The following ARHGAP24 variants were observed in gnomAD, a reference collection of about 807,000 sequenced individuals.
ARHGAP24 encodes rho GTPase-activating protein 24.
In ARHGAP24, 50 loss-of-function variants were observed where a neutral mutation model predicts 76.4. That is an observed-to-expected ratio of 0.65 (90% CI 0.52 to 0.83). ARHGAP24 has a LOEUF of 0.83. Among genes scored for constraint, ARHGAP24 ranks in the 40% least tolerant of loss-of-function variants. The pLI is 0.00. For synonymous variants in ARHGAP24, 345 were observed against 323.3 expected, an observed-to-expected ratio of 1.07 and a Z score of -0.72; for missense variants, 930 against 914.2, an observed-to-expected ratio of 1.02 and a Z score of -0.22.
chr4:85,925,486 C>T (rs1735970393), intron 4 of ARHGAP24, among the ~76,000 whole-genome samples: 1 of 151,878 alleles, frequency 6.6e-6, no homozygotes, highest in Non-Finnish European at 1.5e-5. Flanking sequence ...GTAAAAAATT[C>T]CTGATTTAAG....
chr4:85,999,039 C>A (rs1424909794), intron 9 of ARHGAP24, among the ~76,000 whole-genome samples: 1 of 152,146 alleles, frequency 6.6e-6, no homozygotes, highest in East Asian at 1.9e-4. Flanking sequence ...AAAACTTTTC[C>A]AGCACTTTTA....
intron 1 of ARHGAP24, among the ~76,000 whole-genome samples, chr4:85,494,691 T>A (rs529227912): frequency 9.7e-4 from 142 of 146,556 alleles, no homozygotes; most frequent in African/African-American, 2.9e-3. Flanking sequence ...AAAAAAAAAA[T>A]AAAAAATAAA....
chr4:85,811,320 C>T (rs1315042077), intron 3 of ARHGAP24, among the ~76,000 whole-genome samples: 1 of 152,164 alleles, frequency 6.6e-6, no homozygotes. Flanking sequence ...AGCTTCCCTT[C>T]TCTTTAGTAA....
At chr4:85,485,631 T>G (rs1723020741) in intron 1 of ARHGAP24, among the ~76,000 whole-genome samples, 1 of 151,556 alleles carries the variant, frequency 6.6e-6, no homozygotes, top group African/African-American at 2.4e-5. Context: ...TTTCTAGACT[T>G]CAGTCTCCTT....
chr4:85,772,951 G>A (rs1450801616), intron 3 of ARHGAP24, among the ~76,000 whole-genome samples: 1 of 152,194 alleles, frequency 6.6e-6, no homozygotes, highest in African/African-American at 2.4e-5. Context: ...ATAGACAGAT[G>A]AATGTGATTT....
chr4:85,736,266 A>G (rs1456744675), intron 3 of ARHGAP24, among the ~76,000 whole-genome samples: 2 of 152,188 alleles, frequency 1.3e-5, no homozygotes, highest in Non-Finnish European at 2.9e-5. Flanking sequence ...CTCACTCAAG[A>G]ATGTAAGTTC....
intron 1 of ARHGAP24, among the ~76,000 whole-genome samples, chr4:85,502,754 A>G (rs1723872886): frequency 6.6e-6 from 1 of 152,130 alleles, no homozygotes; most frequent in Non-Finnish European, 1.5e-5. Flanking sequence ...TTCCAACACT[A>G]TGTTGAATAG....
intron 2 of ARHGAP24, among the ~76,000 whole-genome samples, chr4:85,685,775 A>G (rs1470168172): frequency 6.6e-6 from 1 of 152,224 alleles, no homozygotes; most frequent in Non-Finnish European, 1.5e-5. Flanking sequence ...GTTCCGTATC[A>G]GTGCATAGCA....
At chr4:85,609,999 A>G (rs893026602) in intron 2 of ARHGAP24, among the ~76,000 whole-genome samples, 2 of 152,116 alleles carry the variant, frequency 1.3e-5, no homozygotes, top group African/African-American at 4.8e-5. Flanking sequence ...TGTACAACTG[A>G]TATTTCTAGA....
chr4:85,894,808 A>T (rs13107414), intron 3 of ARHGAP24, among the ~76,000 whole-genome samples: 1 of 151,790 alleles, frequency 6.6e-6, no homozygotes, highest in Non-Finnish European at 1.5e-5. Context: ...TAAAAATACC[A>T]CAATTAGCTG....
chr4:85,622,822 T>A (rs1198859599), intron 2 of ARHGAP24, among the ~76,000 whole-genome samples: 2 of 152,234 alleles, frequency 1.3e-5, no homozygotes, highest in African/African-American at 4.8e-5. Context: ...CATTGTGGTT[T>A]TGATTTGCAT....
intron 2 of ARHGAP24, among the ~76,000 whole-genome samples, chr4:85,611,900 T>A (rs146453574): frequency 1.3e-5 from 2 of 152,302 alleles, no homozygotes; most frequent in East Asian, 3.9e-4. Flanking sequence ...TTAATTATAA[T>A]CCCCTACTTG....
intron 3 of ARHGAP24, among the ~76,000 whole-genome samples, chr4:85,850,296 C>T (rs559415658): frequency 1.3e-5 from 2 of 152,060 alleles, no homozygotes; most frequent in Admixed American, 6.5e-5. Flanking sequence ...CTGGTGATAT[C>T]CCCTTTATCA....
chr4:85,977,757 T>G (rs1739427619), intron 8 of ARHGAP24, 66 bp downstream of exon 8: 13 of 1,578,690 alleles, frequency 8.2e-6, no homozygotes, highest in African/African-American at 1.3e-5. Flanking sequence ...CTGGCCAGAA[T>G]CTACTCATCT....
At chr4:85,926,626 T>A (rs1459700496) in intron 4 of ARHGAP24, among the ~76,000 whole-genome samples, 2 of 152,212 alleles carry the variant, frequency 1.3e-5, no homozygotes, top group Admixed American at 6.5e-5. Flanking sequence ...AATTTTAGTT[T>A]TAAACAATAA....
intron 3 of ARHGAP24, among the ~76,000 whole-genome samples, chr4:85,830,746 C>T (rs902174548): frequency 2.6e-5 from 4 of 152,126 alleles, no homozygotes; most frequent in Non-Finnish European, 4.4e-5. Flanking sequence ...GAGCAGGGTA[C>T]GTGATGTGAT....
intron 2 of ARHGAP24, among the ~76,000 whole-genome samples, chr4:85,664,179 C>G (rs939756093): frequency 6.6e-6 from 1 of 151,560 alleles, no homozygotes; most frequent in Non-Finnish European, 1.5e-5. Context: ...ATTATTGCCA[C>G]AATTTCAGAG....
rs922753615 is a variant in ARHGAP24 at position 85,835,268 on chromosome 4, C to T, written c.269-88380C>T. Reference sequence around the variant, plus strand: ...ACAATGTAATTTAAAAAAAAAAAAGCAAACTTTGGGCCGGGCGCGGTGGCT... The same window carrying T: ...ACAATGTAATTTAAAAAAAAAAAAGTAAACTTTGGGCCGGGCGCGGTGGCT... On this transcript the variant is annotated intron_variant, in intron 3 of 9. Coordinates refer to ENST00000395184, the MANE Select transcript of ARHGAP24 (RefSeq NM_001025616.3). 4.6e-5 allele frequency among the ~76,000 whole-genome samples: 7 copies of T among 150,758 alleles called. No individual in the cohort carries two copies. In the South Asian group the frequency reaches 1.3e-3, roughly 27 times the overall value.
At chr4:85,773,911 C>T (rs1407187817) in intron 3 of ARHGAP24, among the ~76,000 whole-genome samples, 1 of 151,724 alleles carries the variant, frequency 6.6e-6, no homozygotes, top group Admixed American at 6.6e-5. Flanking sequence ...GAAATAAATG[C>T]CACTTATATA....
Sources: gnomAD v4.1 joint callset for allele counts (sites outside exome capture counted in the v4.1 genomes callset) on GRCh38, gnomAD v4.1.1 for gene constraint, MANE v1.5 for transcripts, NCBI Gene and HGNC (gene_info 2026-07-23, HGNC 2026-07-21) for gene names.